Variants in NCAPG observed in about 807,000 individuals in gnomAD.
The protein encoded by NCAPG is condensin complex subunit 3.
A neutral mutation model predicts 113.1 loss-of-function variants in NCAPG; 69 were observed. The observed-to-expected ratio is 0.61, with a 90% CI of 0.50 to 0.75. The LOEUF (loss-of-function observed/expected upper bound fraction) is 0.75, where lower values mean the gene tolerates loss of function less well. Ranked by LOEUF, NCAPG falls within the 30% of genes least tolerant of loss-of-function variation. The pLI, the probability that NCAPG is intolerant of heterozygous loss-of-function variation, is 0.00. For synonymous variants in NCAPG, 370 were observed against 415.8 expected, an observed-to-expected ratio of 0.89 and a Z score of 1.34; for missense variants, 1,058 against 1,177.0, an observed-to-expected ratio of 0.90 and a Z score of 1.48.
At chr4:17,825,608 C>T in intron 11 of NCAPG, 47 bp downstream of exon 11, 1 of 1,474,280 alleles carries the variant, frequency 6.8e-7, no homozygotes, top group Non-Finnish European at 9.2e-7. Flanking sequence ...TATTAATCAT[C>T]TCAACTAAAT....
intron 5 of NCAPG, among the ~76,000 whole-genome samples, chr4:17,816,790 C>T (rs576092267): frequency 1.4e-4 from 22 of 152,246 alleles, no homozygotes; most frequent in Admixed American, 2.6e-4. Flanking sequence ...TTGTAAGTGA[C>T]CATTACAGTG....
In NCAPG at chr4:17,830,553, C is replaced by CTTTTTTT. The variant is rs770223582; in HGVS notation, c.1765-434_1765-428dup. ...GTTAAATATATTAAGACTAGTTTCA[C>CTTTTTTT]TTTTTTTTTTTTTTTTACTTCAATG... On this transcript the variant is annotated intron_variant, in intron 12 of 20. Coordinates refer to ENST00000251496, the MANE Select transcript of NCAPG (RefSeq NM_022346.5). Among the ~76,000 whole-genome samples, 235 of 137,296 alleles carry CTTTTTTT rather than the reference C, an allele frequency of 1.7e-3. 2 individuals carry two copies. Among genetic ancestry groups the CTTTTTTT allele is most frequent in the African/African-American group, 3.1e-3 (113 of 36,686 alleles). 90.1% of individuals were successfully genotyped at this position (137,296 alleles called of 152,430 possible). A position where few individuals can be genotyped will look rare whatever the true frequency, so the allele number is the denominator to read the frequency against.
Position 17,837,343 on chromosome 4 carries a change from ATT to A in NCAPG, c.2291+4_2291+5del. ...CCCGTGTTTGCTTATGCAAGCAGGT[ATT>A]GAGTCATACTGATAAATCAAAAATC... is the stretch of plus-strand genomic sequence containing the variant. On this transcript the variant is annotated splice_donor_5th_base_variant and intron_variant, in intron 15 of 20. Coordinates refer to ENST00000251496, the MANE Select transcript of NCAPG (RefSeq NM_022346.5). 1.2e-6 allele frequency: 2 copies of A among 1,610,252 alleles called. No individual in the cohort carries two copies. The highest frequency in any genetic ancestry group is 8.5e-7 in the Non-Finnish European group (1 of 1,178,096).
At chr4:17,832,597 T>A (rs555825445) in intron 13 of NCAPG, among the ~76,000 whole-genome samples, 1 of 152,228 alleles carries the variant, frequency 6.6e-6, no homozygotes, top group South Asian at 2.1e-4. Flanking sequence ...TATATATGAG[T>A]TTGGAGTATA....
intron 16 of NCAPG, among the ~76,000 whole-genome samples, chr4:17,838,450 G>C (rs960224607): frequency 2.0e-5 from 3 of 152,156 alleles, no homozygotes; most frequent in Non-Finnish European, 4.4e-5. Context: ...GCAAAATTAG[G>C]TAAGGGTCAG....
Position 17,815,321 on chromosome 4 carries a change from A to G in NCAPG, c.738A>G (p.Arg246=). ...TGAGAGCTATGTCCATTGCTCAGAG[A>G]GTAATGCTCCTTCAACAAGGTCTTA... ...VHMRAMSIAQ[R]VMLLQQGLND... The change falls in exon 5 of 21, where the codon AGA becomes AGG. Residue 246 remains arginine, a synonymous_variant. Transcript: ENST00000251496. 1 of 1,587,292 alleles carries G rather than the reference A, an allele frequency of 6.3e-7. No homozygotes were observed. The highest frequency in any genetic ancestry group is 8.5e-7 in the Non-Finnish European group (1 of 1,173,928).
intron 7 of NCAPG, among the ~76,000 whole-genome samples, chr4:17,819,089 A>T (rs1721339491): frequency 6.6e-6 from 1 of 152,094 alleles, no homozygotes; most frequent in Non-Finnish European, 1.5e-5. Context: ...CTGTGTATAT[A>T]CTTTTTTTTT....
In NCAPG at chr4:17,843,365, C is replaced by T. The variant is rs756450442; in HGVS notation, c.2988C>T (p.Thr996=). ...TGAGACTACCAAGACGAGCCAAAACCGCAGCACTAGAAAAAAGTAAACTTA... is the reference window on the plus strand; with the variant it reads ...TGAGACTACCAAGACGAGCCAAAACTGCAGCACTAGAAAAAAGTAAACTTA... ...MKMRLPRRAK[T]AALEKSKLNL... The change falls in exon 21 of 21, where the codon ACC becomes ACT. Residue 996 remains threonine, a synonymous_variant. Coordinates refer to ENST00000251496, the MANE Select transcript of NCAPG (RefSeq NM_022346.5). 68 of 1,611,738 alleles carry T rather than the reference C, an allele frequency of 4.2e-5. No individual in the cohort carries two copies. Among genetic ancestry groups the T allele is most frequent in the Middle Eastern group, 1.6e-4 (1 of 6,078 alleles).
intron 12 of NCAPG, among the ~76,000 whole-genome samples, chr4:17,830,357 C>T (rs1721811902): frequency 6.6e-6 from 1 of 151,362 alleles, no homozygotes; most frequent in African/African-American, 2.4e-5. Context: ...TGCGCCACTG[C>T]ACTCCAGCCT....
At chr4:17,826,768 G>C (rs971525642) in intron 11 of NCAPG, among the ~76,000 whole-genome samples, 2 of 152,144 alleles carry the variant, frequency 1.3e-5, no homozygotes, top group African/African-American at 4.8e-5. Flanking sequence ...GGTTTCTAGT[G>C]CTGGTAGAGT....
chr4:17,837,262 A>G lies in NCAPG; in HGVS notation c.2213A>G (p.Tyr738Cys). The change falls in exon 15 of 21, where the codon TAC becomes TGC. Residue 738 changes from tyrosine (Y) to cysteine (C), a missense_variant. Transcript: ENST00000251496. ...RILSRLILLW[Y>C]NPVTEEDVQL... Reference sequence around the variant, plus strand: ...CTTTCTCGTCTTATTTTGTTATGGTACAATCCTGTGACTGAAGAGGATGTT... The same window carrying G: ...CTTTCTCGTCTTATTTTGTTATGGTGCAATCCTGTGACTGAAGAGGATGTT... 1 of 1,614,006 alleles carries G rather than the reference A, an allele frequency of 6.2e-7. No homozygotes were observed. The highest frequency in any genetic ancestry group is 8.5e-7 in the Non-Finnish European group (1 of 1,179,942).
chr4:17,815,402 G>T, intron 5 of NCAPG, 44 bp downstream of exon 5: 1 of 1,419,942 alleles, frequency 7.0e-7, no homozygotes, highest in South Asian at 1.3e-5. Context: ...AGTAGATTTT[G>T]AGGTCAGACT....
Position 17,822,990 on chromosome 4 carries a change from C to T in NCAPG, c.1126C>T (p.Gln376Ter), listed in dbSNP as rs779935551. 25 of 1,596,414 alleles carry T rather than the reference C, an allele frequency of 1.6e-5. No individual in the cohort carries two copies. Among genetic ancestry groups the T allele is most frequent in the Non-Finnish European group, 2.0e-5 (24 of 1,174,274 alleles). Reference sequence around the variant, plus strand: ...TAATTCTGCTTGTTTTAGTTACATCCAGAGCATTCCAGTTGTTAATGAAGA... The same window carrying T: ...TAATTCTGCTTGTTTTAGTTACATCTAGAGCATTCCAGTTGTTAATGAAGA... ...VYADYLLSYI[Q>*]SIPVVNEEHR... Residue 376 changes from glutamine (Q) to a stop codon, truncating the protein, a stop_gained, in exon 8 of 21, where the codon CAG (glutamine) becomes TAG (stop). Coordinates refer to ENST00000251496, the MANE Select transcript of NCAPG (RefSeq NM_022346.5). LOFTEE classifies it high-confidence loss of function.
At chr4:17,836,867 T>C (rs912232654) in intron 14 of NCAPG, among the ~76,000 whole-genome samples, 1 of 152,192 alleles carries the variant, frequency 6.6e-6, no homozygotes, top group Non-Finnish European at 1.5e-5. Flanking sequence ...TATGTTTTGC[T>C]CTTTTTTTCC....
chr4:17,836,896 T>C (rs1722120181), intron 14 of NCAPG, among the ~76,000 whole-genome samples: 1 of 152,186 alleles, frequency 6.6e-6, no homozygotes, highest in Non-Finnish European at 1.5e-5. Context: ...TAAAAGGCCT[T>C]TTGGTTCTTC....
chr4:17,837,420 TTTTG>T, intron 15 of NCAPG, 80 bp downstream of exon 15: 2 of 1,356,798 alleles, frequency 1.5e-6, no homozygotes, highest in East Asian at 4.7e-5. Context: ...TATAATGATA[TTTTG>T]TTGTTGATAC....
chr4:17,816,642 A>G (rs16895806), intron 5 of NCAPG, among the ~76,000 whole-genome samples: 18,636 of 152,228 alleles, frequency 0.12, 1,244 homozygotes, highest in South Asian at 0.25. Flanking sequence ...TGTAATAGAT[A>G]AAATCAGATA....
intron 16 of NCAPG, 91 bp downstream of exon 16, chr4:17,837,892 G>T (rs1235122496): frequency 1.4e-6 from 2 of 1,421,252 alleles, no homozygotes. Context: ...ACTGCATTTT[G>T]GTCTTTAGAC....
Position 17,812,411 on chromosome 4 carries a change from C to G in NCAPG, c.302C>G (p.Thr101Ser). The change falls in exon 2 of 21, where the codon ACT becomes AGT. Residue 101 changes from threonine to serine, a missense_variant. By Grantham distance (58) the Thr-to-Ser change is moderately conservative (BLOSUM62 1). Transcript: ENST00000251496. The stretch of plus-strand genomic sequence containing the variant: ...GGTGGCCTTTTAAATTATTTGTTTA[C>G]TTTTCTCTTAAAGGTACTATGAAAA... ...EDGGLLNYLF[T>S]FLLKSHEANS... The G allele has an allele frequency of 6.2e-7, 1 of 1,613,072 alleles. No individual in the cohort carries two copies. Among genetic ancestry groups the G allele is most frequent in the East Asian group, 2.2e-5 (1 of 44,784 alleles).
Sources: allele counts gnomAD v4.1 joint callset (sites outside exome capture counted in the v4.1 genomes callset), GRCh38; gene constraint gnomAD v4.1.1; transcripts MANE v1.5; gene names NCBI Gene and HGNC (gene_info 2026-07-23, HGNC 2026-07-21).